The following SLC35F1 variants were observed in gnomAD, a reference collection of about 807,000 sequenced individuals.
SLC35F1 encodes the protein chromosome 6 open reading frame 169.
Under a neutral mutation model 48.7 loss-of-function variants are expected in SLC35F1, and 14 were observed. The ratio of observed to expected loss-of-function variants is 0.29; its 90% CI spans 0.19 to 0.45. The LOEUF (loss-of-function observed/expected upper bound fraction) is 0.45, where lower values mean the gene tolerates loss of function less well. Ranked by LOEUF, SLC35F1 falls within the 20% of genes least tolerant of loss-of-function variation. The probability of loss-of-function intolerance (pLI) is 1.00; values close to 1 mark genes in which losing one functional copy is unlikely to be tolerated. For synonymous variants in SLC35F1, 190 were observed against 202.2 expected (o/e 0.94, Z 0.51); for missense variants, 404 against 500.0 (o/e 0.81, Z 1.83).
At chr6:118,103,919 G>A (rs900021064) in intron 1 of SLC35F1, among the ~76,000 whole-genome samples, 2 of 152,158 alleles carry the variant, frequency 1.3e-5, no homozygotes, top group Non-Finnish European at 2.9e-5. Flanking sequence ...AGAGTTTGCA[G>A]TAGGTTACTG....
intron 1 of SLC35F1, among the ~76,000 whole-genome samples, chr6:117,995,140 A>G (rs944831170): frequency 1.3e-5 from 2 of 152,184 alleles, no homozygotes; most frequent in African/African-American, 2.4e-5. Context: ...AGAATTTACT[A>G]TTTTGCAAGG....
At chr6:118,080,048 A>G (rs1485283679) in intron 1 of SLC35F1, among the ~76,000 whole-genome samples, 2 of 152,232 alleles carry the variant, frequency 1.3e-5, no homozygotes, top group African/African-American at 4.8e-5. Context: ...CAGGCTTTCA[A>G]AACTGTTACC....
At chr6:117,993,485 G>C (rs1776946347) in intron 1 of SLC35F1, among the ~76,000 whole-genome samples, 1 of 152,094 alleles carries the variant, frequency 6.6e-6, no homozygotes, top group African/African-American at 2.4e-5. Context: ...TTATTGAGCA[G>C]TTACTGTGTG....
chr6:118,163,479 C>T (rs947820834), intron 2 of SLC35F1, among the ~76,000 whole-genome samples: 1 of 151,974 alleles, frequency 6.6e-6, no homozygotes, highest in Non-Finnish European at 1.5e-5. Flanking sequence ...GCTTCATTCC[C>T]CCATGCCAAA....
At chr6:118,071,310 C>A (rs1772720942) in intron 1 of SLC35F1, among the ~76,000 whole-genome samples, 1 of 151,060 alleles carries the variant, frequency 6.6e-6, no homozygotes, top group Non-Finnish European at 1.5e-5. Flanking sequence ...CTTTCTACAC[C>A]ACCTTTTGCT....
chr6:118,267,276 T>G, intron 4 of SLC35F1, 122 bp downstream of exon 4: 2 of 1,155,142 alleles, frequency 1.7e-6, no homozygotes, highest in Non-Finnish European at 2.5e-6. Flanking sequence ...ACTATCTGTG[T>G]CCTGTTCATG....
At chr6:118,204,422 A>C (rs1774908740) in intron 2 of SLC35F1, among the ~76,000 whole-genome samples, 1 of 152,234 alleles carries the variant, frequency 6.6e-6, no homozygotes, top group Non-Finnish European at 1.5e-5. Context: ...GAAGGTTATG[A>C]TCAAAATTGA....
chr6:117,926,355 G>A (rs1186702186), intron 1 of SLC35F1, among the ~76,000 whole-genome samples: 1 of 152,086 alleles, frequency 6.6e-6, no homozygotes, highest in Non-Finnish European at 1.5e-5. Flanking sequence ...CTCAGCCATG[G>A]GAACTGTTTG....
At chr6:118,267,295 C>T (rs1775786026) in intron 4 of SLC35F1, 141 bp downstream of exon 4, 5 of 985,840 alleles carry the variant, frequency 5.1e-6, no homozygotes, top group Non-Finnish European at 7.6e-6. Flanking sequence ...TGTCTGTTCC[C>T]CACACCTGAA....
At position 118,316,036 on chromosome 6, in the gene SLC35F1, T is replaced by C. The variant is rs1562122751; in HGVS notation, c.*1784T>C. The stretch of plus-strand genomic sequence containing the variant: ...GCAATTCAAATCAACATGTGTTACA[T>C]AAGCAAGCAAAGCAAAACACCAGTG... On this transcript the variant is annotated 3_prime_UTR_variant, in exon 8 of 8. Transcript: ENST00000360388. 1.3e-5 allele frequency: 2 copies of C among 152,166 alleles called. No individual in the cohort carries two copies. Among genetic ancestry groups the C allele is most frequent in the East Asian group, 3.9e-4 (2 of 5,186 alleles). The allele number at this position is 152,166 out of a possible 1,614,324, so 9.4% of individuals were successfully genotyped here. A position where few individuals can be genotyped will look rare whatever the true frequency, so the allele number is the denominator to read the frequency against.
chr6:118,038,299 T>C (rs186378958), intron 1 of SLC35F1, among the ~76,000 whole-genome samples: 25 of 152,234 alleles, frequency 1.6e-4, no homozygotes, highest in African/African-American at 5.8e-4. Context: ...CATTATTCAG[T>C]CATAGATTTT....
chr6:118,302,688 A>T (rs1367969529), intron 7 of SLC35F1, among the ~76,000 whole-genome samples: 1 of 152,182 alleles, frequency 6.6e-6, no homozygotes, highest in African/African-American at 2.4e-5. Flanking sequence ...AAGACATTAG[A>T]CAATTTAATT....
At chr6:117,949,833 C>A (rs190151566) in intron 1 of SLC35F1, among the ~76,000 whole-genome samples, 11 of 152,172 alleles carry the variant, frequency 7.2e-5, no homozygotes, top group Admixed American at 3.3e-4. Context: ...TACGTTTGGT[C>A]ATCTTTACTC....
chr6:118,136,439 A>T (rs1198596734), intron 1 of SLC35F1, among the ~76,000 whole-genome samples: 1 of 152,190 alleles, frequency 6.6e-6, no homozygotes, highest in African/African-American at 2.4e-5. Context: ...CTCTATGCTA[A>T]CAAGTATGCC....
At chr6:117,927,667 T>C (rs1479300683) in intron 1 of SLC35F1, among the ~76,000 whole-genome samples, 1 of 152,146 alleles carries the variant, frequency 6.6e-6, no homozygotes, top group Non-Finnish European at 1.5e-5. Context: ...TCTAATCGCT[T>C]AGAACAGTGC....
intron 1 of SLC35F1, among the ~76,000 whole-genome samples, chr6:118,147,269 C>T (rs568109948): frequency 6.6e-6 from 1 of 152,242 alleles, no homozygotes; most frequent in African/African-American, 2.4e-5. Context: ...CATGAGTGGG[C>T]ATGAAACAGG....
chr6:118,276,529 G>T (rs1009693481), intron 5 of SLC35F1, among the ~76,000 whole-genome samples: 1 of 140,776 alleles, frequency 7.1e-6, no homozygotes, highest in African/African-American at 3.2e-5. Flanking sequence ...TTGAGATACT[G>T]GTGAAAAACT....
intron 1 of SLC35F1, chr6:117,999,373 C>T (rs999523824): frequency 6.3e-7 from 1 of 1,586,650 alleles, no homozygotes; most frequent in African/African-American, 1.3e-5. Flanking sequence ...AAACCAAGGC[C>T]CAGGCTGCAG....
At chr6:118,007,079 A>G (rs929275284) in intron 1 of SLC35F1, among the ~76,000 whole-genome samples, 2 of 151,854 alleles carry the variant, frequency 1.3e-5, no homozygotes, top group Middle Eastern at 3.4e-3. Flanking sequence ...GCTTATAACA[A>G]TACTTGAAAT....
Sources: allele counts gnomAD v4.1 joint callset (sites outside exome capture counted in the v4.1 genomes callset), GRCh38; gene constraint gnomAD v4.1.1; transcripts MANE v1.5; gene names NCBI Gene and HGNC (gene_info 2026-07-23, HGNC 2026-07-21).